Variants in KCNK5 observed in about 807,000 individuals in gnomAD.
KCNK5 encodes potassium channel subfamily K member 5.
Under a neutral mutation model 32.9 loss-of-function variants are expected in KCNK5, and 18 were observed. The ratio of observed to expected loss-of-function variants is 0.55; its 90% CI spans 0.38 to 0.81. KCNK5 has a LOEUF of 0.81. KCNK5 is among the 30% of genes least tolerant of loss of function. The pLI is 0.00. For synonymous variants in KCNK5, 276 were observed against 275.3 expected (o/e 1.00, Z -0.03); for missense variants, 507 against 651.0 (o/e 0.78, Z 2.41).
At chr6:39,211,865 G>A (rs904867072) in intron 1 of KCNK5, among the ~76,000 whole-genome samples, 1 of 152,020 alleles carries the variant, frequency 6.6e-6, no homozygotes, top group African/African-American at 2.4e-5. Context: ...TCTGGAGGTT[G>A]AGGCAAGAGA....
chr6:39,190,539 C>T lies in KCNK5; in HGVS notation c.*351G>A, dbSNP rs985926029. ...GCTGAGGCCCCAGACCTCAGAGAAC[C>T]GTGTGATACTCCACCAAATGGTGAG... On this transcript the variant is annotated 3_prime_UTR_variant, in exon 5 of 5. Coordinates refer to ENST00000359534, the MANE Select transcript of KCNK5 (RefSeq NM_003740.4). The T allele has an allele frequency of 3.6e-5, 7 of 192,236 alleles. No individual in the cohort carries two copies. The East Asian group carries it at 4.0e-4, about 11-fold the overall frequency. 11.9% of individuals were successfully genotyped at this position (192,236 alleles called of 1,614,324 possible). A position where few individuals can be genotyped will look rare whatever the true frequency, so the allele number is the denominator to read the frequency against.
chr6:39,204,389 T>C (rs548591084), intron 1 of KCNK5, among the ~76,000 whole-genome samples: 7 of 152,320 alleles, frequency 4.6e-5, no homozygotes, highest in Non-Finnish European at 8.8e-5. Flanking sequence ...AATGAGGAGG[T>C]TGGACTATGA....
chr6:39,198,200 T>A (rs1357459981), intron 1 of KCNK5, among the ~76,000 whole-genome samples: 4 of 152,174 alleles, frequency 2.6e-5, no homozygotes, highest in African/African-American at 9.7e-5. Context: ...TTAAAGAAAT[T>A]CATGTGGACA....
rs1432480649 is a variant in KCNK5, at chr6:39,191,026, G to T, written c.1364C>A (p.Ala455Asp). The T allele has an allele frequency of 6.2e-7, 1 of 1,602,392 alleles. No homozygotes were observed. Among genetic ancestry groups the T allele is most frequent in the South Asian group, 1.1e-5 (1 of 89,676 alleles). ...CTCGCCCATGTTCAGGGGCGCCTTG[G>T]CTTCAGCCCCCTGCTGGGGGCTCTC... is the stretch of plus-strand genomic sequence containing the variant. ...GEESPQQGAE[A>D]KAPLNMGEFP... Residue 455 changes from alanine (A) to aspartate (D), a missense_variant, in exon 5 of 5, where the codon GCC becomes GAC. Ala to Asp is a moderately radical substitution (Grantham distance 126). Transcript: ENST00000359534. The surrounding 1 kb of genome is among the most constrained non-coding windows in gnomAD (Gnocchi z 5.8).
chr6:39,214,511 T>A (rs1230369782), intron 1 of KCNK5, among the ~76,000 whole-genome samples: 1 of 152,100 alleles, frequency 6.6e-6, no homozygotes, highest in Non-Finnish European at 1.5e-5. Context: ...GCTCTGTTGG[T>A]GCTGCCTCTG....
At position 39,191,634 on chromosome 6, in the gene KCNK5, G is replaced by T. The variant is rs1332044074; in HGVS notation, c.756C>A (p.Val252=). The change falls in exon 5 of 5, where the codon GTC becomes GTA. Residue 252 remains valine, a synonymous_variant. Transcript: ENST00000359534. The surrounding 1 kb of genome is among the most constrained non-coding windows in gnomAD (Gnocchi z 5.8). ...GCCGCCGCTTCTTAATGGCTTTGTG[G>T]ACTTCCACAAACATGCTCACCTTCC... ...VNWKVSMFVE[V]HKAIKKRRRR... 1.2e-6 allele frequency: 2 copies of T among 1,613,916 alleles called. No homozygotes were observed. The highest frequency in any genetic ancestry group is 1.7e-6 in the Non-Finnish European group (2 of 1,180,028).
Position 39,194,323 on chromosome 6 carries a change from G to C in KCNK5, c.480C>G (p.Ile160Met). The C allele has an allele frequency of 6.2e-7, 1 of 1,607,246 alleles. No individual in the cohort carries two copies. The highest frequency in any genetic ancestry group is 8.5e-7 in the Non-Finnish European group (1 of 1,175,548). ...ACACGATGAAGATGACTGTGCACGT[G>C]ATCTGCGCCTTCCGCTGATGGGGAG... ...KRGVSLRKAQ[I>M]TCTVIFIVWG... The change falls in exon 4 of 5, where the codon ATC becomes ATG. Residue 160 changes from isoleucine to methionine, a missense_variant. Transcript: ENST00000359534. This position sits in a 1 kb window ranked among gnomAD's most constrained non-coding sequence, Gnocchi z 4.7.
In KCNK5 at chr6:39,191,729, C is replaced by T. The variant is rs757159016; in HGVS notation, c.661G>A (p.Ala221Thr). 75 of 1,612,884 alleles carry T rather than the reference C, an allele frequency of 4.7e-5. No individual in the cohort carries two copies. The highest frequency in any genetic ancestry group is 1.6e-4 in the Middle Eastern group (1 of 6,080). Reference protein sequence around the residue: ...AGVNPSANYHALYRYFVELWI... With the variant: ...AGVNPSANYHTLYRYFVELWI... ...AGCTCCACGAAGTAGCGGTACAGGG[C>T]GTGGTAGTTGGCGCTGGGGTTCACA... Residue 221 changes from alanine to threonine, a missense_variant, in exon 5 of 5, where the codon GCC (alanine) becomes ACC (threonine). Ala to Thr is a moderately conservative substitution (Grantham distance 58). Around this residue, in one of 6 missense-constraint regions of KCNK5, gnomAD observed 45 missense variants for 107.6 expected, o/e 0.42. Transcript: ENST00000359534. This position sits in a 1 kb window ranked among gnomAD's most constrained non-coding sequence, Gnocchi z 5.8.
intron 1 of KCNK5, among the ~76,000 whole-genome samples, chr6:39,219,754 C>T (rs1044208758): frequency 2.6e-5 from 4 of 152,106 alleles, no homozygotes; most frequent in African/African-American, 4.8e-5. Context: ...GCTGGACAGA[C>T]GGACACAACA....
chr6:39,196,037 G>T, intron 1 of KCNK5, 50 bp from the exon 2 acceptor site: 1 of 1,345,036 alleles, frequency 7.4e-7, no homozygotes, highest in Admixed American at 2.0e-5. Context: ...CTTAACAGAT[G>T]CTGATTGACA....
chr6:39,228,053 T>C (rs991408938), intron 1 of KCNK5, among the ~76,000 whole-genome samples: 3 of 151,970 alleles, frequency 2.0e-5, no homozygotes, highest in Non-Finnish European at 4.4e-5. Flanking sequence ...GGTCCCCAAA[T>C]GGGCCCCAAG....
chr6:39,219,122 T>C (rs12526397), intron 1 of KCNK5, among the ~76,000 whole-genome samples: 10,206 of 152,210 alleles, frequency 0.067, 445 homozygotes, highest in African/African-American at 0.11. Flanking sequence ...ACCTGCTCAG[T>C]GTACTCTTGC....
At chr6:39,208,642 A>G (rs1439038582) in intron 1 of KCNK5, among the ~76,000 whole-genome samples, 1 of 152,248 alleles carries the variant, frequency 6.6e-6, no homozygotes, top group Non-Finnish European at 1.5e-5. Flanking sequence ...CAGCACAGAC[A>G]TCTTGGGATG....
chr6:39,191,752 A>G lies in KCNK5; in HGVS notation c.638T>C (p.Val213Ala). Residue 213 changes from valine to alanine, a missense_variant, in exon 5 of 5, where the codon GTG (valine) becomes GCG (alanine). Val to Ala is a moderately conservative substitution (Grantham distance 64). Transcript: ENST00000359534. The surrounding 1 kb of genome is among the most constrained non-coding windows in gnomAD (Gnocchi z 5.8). The part of the protein sequence containing the change: ...TIGFGDFVAG[V>A]NPSANYHALY... ...GGCGTGGTAGTTGGCGCTGGGGTTCACACCTGAGCGGACAGGCAGTCCAGA... is the reference window on the plus strand; with the variant it reads ...GGCGTGGTAGTTGGCGCTGGGGTTCGCACCTGAGCGGACAGGCAGTCCAGA... The G allele has an allele frequency of 6.2e-7, 1 of 1,609,978 alleles. No homozygotes were observed.
At chr6:39,196,494 T>C (rs570028598) in intron 1 of KCNK5, among the ~76,000 whole-genome samples, 1 of 152,300 alleles carries the variant, frequency 6.6e-6, no homozygotes, top group East Asian at 1.9e-4. Flanking sequence ...GTGTTCTACC[T>C]GCAGAGACCA....
chr6:39,200,253 C>T (rs940457809), intron 1 of KCNK5, among the ~76,000 whole-genome samples: 3 of 152,152 alleles, frequency 2.0e-5, no homozygotes, highest in African/African-American at 7.2e-5. Context: ...CCATACAAGC[C>T]TGGAGAGTAA....
chr6:39,210,881 G>GA (rs1178011376), intron 1 of KCNK5, among the ~76,000 whole-genome samples: 12 of 152,254 alleles, frequency 7.9e-5, no homozygotes, highest in African/African-American at 2.9e-4. Flanking sequence ...CACAGATGGG[G>GA]AACTGAGGCT....
At chr6:39,223,063 TTC>T (rs956754148) in intron 1 of KCNK5, among the ~76,000 whole-genome samples, 2 of 152,226 alleles carry the variant, frequency 1.3e-5, no homozygotes, top group African/African-American at 2.4e-5. Flanking sequence ...TCAGTTGACG[TTC>T]TCTCTGTTCT....
At chr6:39,221,225 G>A (rs1229257859) in intron 1 of KCNK5, among the ~76,000 whole-genome samples, 1 of 152,188 alleles carries the variant, frequency 6.6e-6, no homozygotes, top group Non-Finnish European at 1.5e-5. Context: ...CCATGATTCA[G>A]TGAGATGATG....
Sources: gnomAD v4.1 joint callset for allele counts (sites outside exome capture counted in the v4.1 genomes callset) on GRCh38, gnomAD v4.1.1 for gene constraint, gnomAD v4.1.1 regional missense constraint, Gnocchi (gnomAD v3.1) non-coding constraint, MANE v1.5 for transcripts, NCBI Gene and HGNC (gene_info 2026-07-23, HGNC 2026-07-21) for gene names.